ENKUR: variants seen among roughly 807,000 people sequenced by gnomAD.
ENKUR encodes enkurin.
A neutral mutation model predicts 27.6 loss-of-function variants in ENKUR; 19 were observed. That is an observed-to-expected ratio of 0.69 (90% confidence interval 0.48 to 1.01). The LOEUF (loss-of-function observed/expected upper bound fraction) is 1.01, where lower values mean the gene tolerates loss of function less well. Among genes scored for constraint, ENKUR ranks in the 50% least tolerant of loss-of-function variants. ENKUR has a pLI of 0.00. For synonymous variants in ENKUR, 117 were observed against 96.9 expected, an observed-to-expected ratio of 1.21 and a Z score of -1.22; for missense variants, 312 against 310.5, an observed-to-expected ratio of 1.00 and a Z score of -0.04.
chr10:25,007,353 A>G (rs1209405617), intron 1 of ENKUR, among the ~76,000 whole-genome samples: 1 of 152,222 alleles, frequency 6.6e-6, no homozygotes, highest in Non-Finnish European at 1.5e-5. Flanking sequence ...ATTTTTATGT[A>G]TATATGAAAT....
intron 3 of ENKUR, among the ~76,000 whole-genome samples, chr10:24,991,224 G>C (rs1849921597): frequency 2.0e-5 from 3 of 151,920 alleles, no homozygotes; most frequent in African/African-American, 7.3e-5. Context: ...ACGTTCTTCA[G>C]TTTTTACCTG....
In ENKUR at chr10:25,052,976, T is replaced by C. The variant is rs527639748; in HGVS notation, c.37+8136A>G. Among the ~76,000 whole-genome samples, 121 of 151,798 alleles carry C rather than the reference T, an allele frequency of 8.0e-4. 1 individual carries two copies. Among genetic ancestry groups the C allele is most frequent in the Non-Finnish European group, 1.1e-3 (77 of 67,936 alleles). On this transcript the variant is annotated intron_variant, in intron 2 of 5. Transcript: ENST00000615958. ...TAGAGACAGGGTTTCACCATGTTGG[T>C]TGGGCTGGTCTTGAACTCCTGACCT...
At chr10:25,002,584 A>G (rs977335218) in intron 1 of ENKUR, among the ~76,000 whole-genome samples, 1 of 152,050 alleles carries the variant, frequency 6.6e-6, no homozygotes. Context: ...CTGTTGTTTC[A>G]TATATTTTTT....
chr10:25,012,118 T>C (rs1033444755), intron 1 of ENKUR, among the ~76,000 whole-genome samples: 11 of 152,244 alleles, frequency 7.2e-5, no homozygotes, highest in African/African-American at 1.7e-4. Context: ...GGCTTCCACA[T>C]GGTGTTGGGA....
chr10:25,050,582 G>A (rs531412296), intron 2 of ENKUR, among the ~76,000 whole-genome samples: 21 of 152,218 alleles, frequency 1.4e-4, no homozygotes, highest in African/African-American at 4.8e-4. Flanking sequence ...TCCCTTCTAC[G>A]ACTCGTGGGA....
At chr10:24,987,003 C>A (rs144914770) in intron 4 of ENKUR, among the ~76,000 whole-genome samples, 107 of 152,184 alleles carry the variant, frequency 7.0e-4, no homozygotes, top group East Asian at 2.9e-3. Flanking sequence ...CCTTTTGCAC[C>A]CTCGCCCACC....
intron 3 of ENKUR, among the ~76,000 whole-genome samples, chr10:24,993,628 A>T (rs112356038): frequency 0.016 from 2,498 of 152,342 alleles, 88 homozygotes; most frequent in African/African-American, 0.055. Context: ...CCAATGATAG[A>T]TCTTTAAAAC....
At chr10:24,999,880 AG>A in intron 1 of ENKUR, among the ~76,000 whole-genome samples, 1 of 152,270 alleles carries the variant, frequency 6.6e-6, no homozygotes, top group African/African-American at 2.4e-5. Flanking sequence ...CAGTCTGGCT[AG>A]GGGTCTATTA....
Position 24,992,568 on chromosome 10 carries a change from G to A in ENKUR, c.448-1959C>T, listed in dbSNP as rs192644346. 3.0e-3 allele frequency among the ~76,000 whole-genome samples: 450 copies of A among 152,314 alleles called. 2 individuals are homozygous for A. The highest frequency in any genetic ancestry group is 0.011 in the African/African-American group (442 of 41,558). On this transcript the variant is annotated intron_variant, in intron 3 of 5. Coordinates refer to ENST00000331161, the MANE Select transcript of ENKUR (RefSeq NM_145010.4). ...AGTCTTAAGAATTAGTGGATGACTT[G>A]CTGTGTCTTTTCCTGTCTGGTCTAG...
chr10:25,039,372 G>A (rs528033151), intron 2 of ENKUR, among the ~76,000 whole-genome samples: 4 of 152,096 alleles, frequency 2.6e-5, no homozygotes, highest in Non-Finnish European at 5.9e-5. Context: ...TTGAGCCCAG[G>A]AGTTTGAGAG....
intron 2 of ENKUR, 124 bp from the exon 3 acceptor site, chr10:24,995,993 T>G (rs1850046130): frequency 1.3e-6 from 1 of 755,590 alleles, no homozygotes; most frequent in South Asian, 2.7e-5. Context: ...ATTTAAATAT[T>G]TAAGATAGAA....
chr10:25,020,740 C>CAAA (rs36007062), upstream of ENKUR, among the ~76,000 whole-genome samples: 12 of 134,086 alleles, frequency 8.9e-5, no homozygotes, highest in Non-Finnish European at 1.9e-4. Flanking sequence ...GACCCTTTCT[C>CAAA]AAAAAAAAAA....
At chr10:25,016,539 A>C (rs7095364), upstream of ENKUR, 42,432 of 152,136 alleles carry the variant, frequency 0.28, 6,471 homozygotes, top group East Asian at 0.5. Context: ...GCCTGAGGAG[A>C]TCGGAGTGCT....
At chr10:25,019,710 T>G (rs557139142), upstream of ENKUR, among the ~76,000 whole-genome samples, 1 of 152,236 alleles carries the variant, frequency 6.6e-6, no homozygotes, top group Non-Finnish European at 1.5e-5. Flanking sequence ...TATTAACTGC[T>G]AATTATCCAA....
intron 2 of ENKUR, among the ~76,000 whole-genome samples, chr10:25,045,741 A>G (rs902592429): frequency 6.6e-6 from 1 of 152,194 alleles, no homozygotes; most frequent in Non-Finnish European, 1.5e-5. Flanking sequence ...AGATTTTAAT[A>G]TTTTATGAAA....
At chr10:24,988,992 C>T (rs1029840946) in intron 4 of ENKUR, among the ~76,000 whole-genome samples, 3 of 151,820 alleles carry the variant, frequency 2.0e-5, no homozygotes, top group African/African-American at 7.3e-5. Flanking sequence ...GCTATCATCA[C>T]ATCAAAGGGT....
At chr10:24,985,233 T>TA (rs1849755966) in intron 4 of ENKUR, among the ~76,000 whole-genome samples, 1 of 152,166 alleles carries the variant, frequency 6.6e-6, no homozygotes, top group South Asian at 2.1e-4. Context: ...AATGCATGGG[T>TA]AAAAAACAAC....
intron 1 of ENKUR, among the ~76,000 whole-genome samples, chr10:25,000,919 A>C (rs1359122228): frequency 6.6e-6 from 1 of 152,072 alleles, no homozygotes; most frequent in Non-Finnish European, 1.5e-5. Context: ...GGTTTAACTT[A>C]TCAGAGCCTA....
At chr10:25,060,806 C>G (rs2130503200) in intron 2 of ENKUR, among the ~76,000 whole-genome samples, 1 of 152,254 alleles carries the variant, frequency 6.6e-6, no homozygotes, top group African/African-American at 2.4e-5. Flanking sequence ...CTCCTAGGCT[C>G]AAGTGATCCT....
Sources: allele counts gnomAD v4.1 joint callset (sites outside exome capture counted in the v4.1 genomes callset), GRCh38; gene constraint gnomAD v4.1.1; transcripts MANE v1.5; gene names NCBI Gene and HGNC (gene_info 2026-07-23, HGNC 2026-07-21).